WWC1: variants seen among roughly 807,000 people sequenced by gnomAD.
WWC1 encodes WW and C2 domain containing 1, also known as protein KIBRA.
A neutral mutation model predicts 138.4 loss-of-function variants in WWC1; 55 were observed. The ratio of observed to expected loss-of-function variants is 0.40; its 90% confidence interval spans 0.32 to 0.50. WWC1 has a LOEUF of 0.50. Among genes scored for constraint, WWC1 ranks in the 20% least tolerant of loss-of-function variants. WWC1 has a pLI of 0.72. For synonymous variants in WWC1, 524 were observed against 564.9 expected (o/e 0.93, Z 1.03); for missense variants, 1,226 against 1,420.4 (o/e 0.86, Z 2.20).
chr5:168,388,701 G>A lies in WWC1; in HGVS notation c.433+3287G>A, dbSNP rs182210261. On this transcript the variant is annotated intron_variant, in intron 3 of 22. Transcript: ENST00000265293. ...AAAAATTAGCTGGGCGTGGTGGCACGTGCCTGTAATCCCAGCTACTCAGGA... is the reference window on the plus strand; with the variant it reads ...AAAAATTAGCTGGGCGTGGTGGCACATGCCTGTAATCCCAGCTACTCAGGA... Among the ~76,000 whole-genome samples, 85 of 151,612 alleles carry A rather than the reference G, an allele frequency of 5.6e-4. No individual in the cohort carries two copies. The Middle Eastern group carries it at 0.01, about 18-fold the overall frequency.
At chr5:168,427,805 T>C (rs1781622297) in intron 11 of WWC1, among the ~76,000 whole-genome samples, 1 of 151,490 alleles carries the variant, frequency 6.6e-6, no homozygotes, top group Non-Finnish European at 1.5e-5. Context: ...AAATAATAAT[T>C]CAAAAATTAG....
chr5:168,428,085 C>G lies in WWC1; in HGVS notation c.1863C>G (p.Ala621=), dbSNP rs764998317. 6.2e-7 allele frequency: 1 copy of G among 1,613,858 alleles called. No homozygotes were observed. Among genetic ancestry groups the G allele is most frequent in the South Asian group, 1.1e-5 (1 of 91,072 alleles). ...TGAAAGTGGCCTGTGTCTCAGCCGC[C>G]GTATCGGACGAGTCAGTGGCTGGAG... ...CGLKVACVSA[A]VSDESVAGDS... The change falls in exon 12 of 23, where the codon GCC becomes GCG. Residue 621 remains alanine, a synonymous_variant. Coordinates refer to ENST00000265293, the MANE Select transcript of WWC1 (RefSeq NM_015238.3).
intron 3 of WWC1, among the ~76,000 whole-genome samples, chr5:168,390,554 C>A (rs1285771922): frequency 6.6e-6 from 1 of 152,216 alleles, no homozygotes; most frequent in Admixed American, 6.5e-5. Flanking sequence ...CCAGCCCAAG[C>A]ATCCCAGTTA....
At chr5:168,371,568 T>G (rs770666308) in intron 2 of WWC1, 35 bp downstream of exon 2, 1 of 1,506,804 alleles carries the variant, frequency 6.6e-7, no homozygotes, top group Non-Finnish European at 9.2e-7. Flanking sequence ...CCCTGTGCCC[T>G]CTTCATCCCT....
intron 1 of WWC1, among the ~76,000 whole-genome samples, chr5:168,298,147 T>G (rs1006451266): frequency 3.9e-5 from 6 of 152,158 alleles, no homozygotes; most frequent in African/African-American, 1.4e-4. Flanking sequence ...CAAGCAATTC[T>G]CGTGCCTCAG....
intron 1 of WWC1, among the ~76,000 whole-genome samples, chr5:168,322,715 G>C (rs530715714): frequency 6.6e-6 from 1 of 152,316 alleles, no homozygotes; most frequent in South Asian, 2.1e-4. Flanking sequence ...AGAATCAAGA[G>C]ACAGGTCGGT....
intron 5 of WWC1, 59 bp from the exon 6 acceptor site, chr5:168,406,139 G>A: frequency 6.3e-7 from 1 of 1,595,098 alleles, no homozygotes; most frequent in Middle Eastern, 1.7e-4. Flanking sequence ...CTTTTCCCCT[G>A]GGGAGACCCT....
chr5:168,468,238 G>T (rs1013438758), intron 22 of WWC1, among the ~76,000 whole-genome samples: 2 of 152,240 alleles, frequency 1.3e-5, no homozygotes, highest in Non-Finnish European at 2.9e-5. Flanking sequence ...TTTCCTCGTA[G>T]TGTTTTCCTT....
chr5:168,348,308 G>A lies in WWC1; in HGVS notation c.120-23116G>A, dbSNP rs112396337. ...TAGGGTGAAGCTCAGGGAGACCCAA[G>A]CCCTCACCCTCACCCTCTCTACTGT... On this transcript the variant is annotated intron_variant, in intron 1 of 22. Transcript: ENST00000265293. Among the ~76,000 whole-genome samples, 463 of 152,318 alleles carry A rather than the reference G, an allele frequency of 3.0e-3. 2 individuals are homozygous for A. Among genetic ancestry groups the A allele is most frequent in the Non-Finnish European group, 2.7e-3 (182 of 68,030 alleles).
chr5:168,408,881 G>A (rs1401511381), intron 7 of WWC1, among the ~76,000 whole-genome samples: 2 of 152,194 alleles, frequency 1.3e-5, no homozygotes, highest in Non-Finnish European at 2.9e-5. Context: ...CGGACGTCAT[G>A]GCCCTGAGTA....
chr5:168,292,189 G>T lies in WWC1; in HGVS notation c.37G>T (p.Glu13Ter). 6.4e-7 allele frequency: 1 copy of T among 1,553,380 alleles called. No individual in the cohort carries two copies. Among genetic ancestry groups the T allele is most frequent in the Non-Finnish European group, 8.7e-7 (1 of 1,148,776 alleles). The part of the protein sequence containing the change: ...RPELPLPEGW[E>*]EARDFDGKVY... ...GGAGCTGCCCCTGCCGGAGGGCTGG[G>T]AGGAGGCGCGCGACTTCGACGGCAA... is the stretch of plus-strand genomic sequence containing the variant. The change falls in exon 1 of 23, where the codon GAG becomes TAG. Residue 13 changes from glutamate (E) to a stop codon, truncating the protein, a stop_gained. Transcript: ENST00000265293. LOFTEE classifies it high-confidence loss of function. The surrounding 1 kb of genome is among the most constrained non-coding windows in gnomAD (Gnocchi z 4.4).
intron 1 of WWC1, among the ~76,000 whole-genome samples, chr5:168,305,586 C>G (rs1770481390): frequency 6.6e-6 from 1 of 152,278 alleles, no homozygotes; most frequent in African/African-American, 2.4e-5. Flanking sequence ...GTTTCTGGCC[C>G]TTCCTCTTAG....
chr5:168,406,482 C>T (rs541395113), intron 6 of WWC1, among the ~76,000 whole-genome samples, 155 bp downstream of exon 6: 50 of 152,030 alleles, frequency 3.3e-4, no homozygotes, highest in Non-Finnish European at 6.5e-4. Context: ...TAGAGGAGGA[C>T]GTGGAGGCTC....
Position 168,470,015 on chromosome 5 carries a change from G to A in WWC1, c.*998G>A, listed in dbSNP as rs1437836138. 1 of 152,040 alleles carries A rather than the reference G, an allele frequency of 6.6e-6. No homozygotes were observed. Among genetic ancestry groups the A allele is most frequent in the African/African-American group, 2.4e-5 (1 of 41,386 alleles). The allele number at this position is 152,040 out of a possible 1,614,324, so 9.4% of individuals were successfully genotyped here. ...TCTATGGAATTCCACCCCACCCAGA[G>A]AGAGATGACTTCACAGTTTGTTCAT... is the stretch of plus-strand genomic sequence containing the variant. On this transcript the variant is annotated 3_prime_UTR_variant, in exon 23 of 23. Coordinates refer to ENST00000265293, the MANE Select transcript of WWC1 (RefSeq NM_015238.3).
At position 168,292,008 on chromosome 5, in the gene WWC1, C is replaced by T. The variant is rs1224318219; in HGVS notation, c.-145C>T. 3 of 959,094 alleles carry T rather than the reference C, an allele frequency of 3.1e-6. No individual in the cohort carries two copies. The highest frequency in any genetic ancestry group is 2.8e-5 in the South Asian group (1 of 35,160). The allele number at this position is 959,094 out of a possible 1,614,324, so 59.4% of individuals were successfully genotyped here. ...GACAGCGGCGCCACCCCGGCCGGCC[C>T]CTACTAGGGCCCCCCATCTGCGGGC... On this transcript the variant is annotated 5_prime_UTR_variant, in exon 1 of 23. Coordinates refer to ENST00000265293, the MANE Select transcript of WWC1 (RefSeq NM_015238.3). This position sits in a 1 kb window ranked among gnomAD's most constrained non-coding sequence, Gnocchi z 4.4.
At chr5:168,451,293 A>T (rs1755795114) in intron 17 of WWC1, among the ~76,000 whole-genome samples, 1 of 152,134 alleles carries the variant, frequency 6.6e-6, no homozygotes, top group Admixed American at 6.5e-5. Flanking sequence ...AACTGTTGGG[A>T]TTATAGGCGT....
intron 7 of WWC1, among the ~76,000 whole-genome samples, chr5:168,409,355 C>T (rs190407577): frequency 2.9e-4 from 44 of 152,342 alleles, no homozygotes; most frequent in East Asian, 1.2e-3. Context: ...CTTCTTGCTG[C>T]TCTTAACAGA....
chr5:168,358,360 T>G (rs1488992316), intron 1 of WWC1, among the ~76,000 whole-genome samples: 3 of 152,164 alleles, frequency 2.0e-5, no homozygotes, highest in Admixed American at 6.5e-5. Flanking sequence ...GGAACCTGAG[T>G]GTCCAGAAGG....
rs1491364364 is a variant in WWC1, at chr5:168,403,079, T to TTTCTTTC, written c.591-3117_591-3116insCTTTCTT. On this transcript the variant is annotated intron_variant, in intron 5 of 22. Coordinates refer to ENST00000265293, the MANE Select transcript of WWC1 (RefSeq NM_015238.3). The stretch of plus-strand genomic sequence containing the variant: ...CTTTCTTTCTTTCTTTCTTTCTTTC[T>TTTCTTTC]TTTCTTTCTTTTCTTTCTTTCTTTC... Among the ~76,000 whole-genome samples, 152 of 95,742 alleles carry TTTCTTTC rather than the reference T, an allele frequency of 1.6e-3. 3 individuals are homozygous for TTTCTTTC. Among genetic ancestry groups the TTTCTTTC allele is most frequent in the Middle Eastern group, 5.1e-3 (1 of 198 alleles). 62.8% of individuals were successfully genotyped at this position (95,742 alleles called of 152,430 possible).
Sources: allele counts gnomAD v4.1 joint callset (sites outside exome capture counted in the v4.1 genomes callset), GRCh38; gene constraint gnomAD v4.1.1; non-coding constraint Gnocchi (gnomAD v3.1); transcripts MANE v1.5; gene names NCBI Gene and HGNC (gene_info 2026-07-23, HGNC 2026-07-21).